Variants in MCF2L observed in about 807,000 individuals in gnomAD.
MCF2L encodes the protein guanine nucleotide exchange factor DBS.
In MCF2L, 97 loss-of-function variants were observed where a neutral mutation model predicts 153.4. The ratio of observed to expected loss-of-function variants is 0.63; its 90% CI spans 0.54 to 0.75. MCF2L has a LOEUF of 0.75. MCF2L is among the 30% of genes least tolerant of loss of function. MCF2L has a pLI of 0.00. For missense variants in MCF2L, 1,347 were observed against 1,495.2 expected, an observed-to-expected ratio of 0.90 and a Z score of 1.64; for synonymous variants, 659 against 632.2, an observed-to-expected ratio of 1.04 and a Z score of -0.64.
chr13:113,057,026 G>A (rs2030055476), intron 4 of MCF2L, among the ~76,000 whole-genome samples: 1 of 136,850 alleles, frequency 7.3e-6, no homozygotes, highest in Admixed American at 7.3e-5. Flanking sequence ...GTGCTGAGTG[G>A]GCACTGAGTG....
chr13:113,095,614 CAT>C, intron 27 of MCF2L: 2 of 994,438 alleles, frequency 2.0e-6, no homozygotes, highest in South Asian at 4.6e-5. Flanking sequence ...TCCAGGCCAT[CAT>C]GTGAGAGCAG....
intron 2 of MCF2L, among the ~76,000 whole-genome samples, chr13:112,959,241 G>A (rs532174181): frequency 6.6e-6 from 1 of 151,774 alleles, no homozygotes; most frequent in Non-Finnish European, 1.5e-5. Flanking sequence ...CCCTCATATC[G>A]TTCTCCCTCA....
intron 1 of MCF2L, among the ~76,000 whole-genome samples, chr13:113,014,481 G>A (rs913842130): frequency 6.6e-6 from 1 of 152,148 alleles, no homozygotes; most frequent in Non-Finnish European, 1.5e-5. Context: ...CTCTGCCCAG[G>A]TCTCTCTCTT....
intron 2 of MCF2L, among the ~76,000 whole-genome samples, chr13:112,915,474 A>C (rs1312414115): frequency 6.7e-6 from 1 of 149,938 alleles, no homozygotes. Context: ...AAATAGATTG[A>C]ATTTTCATAC....
At chr13:113,090,126 C>T in intron 26 of MCF2L, 3 of 1,546,468 alleles carry the variant, frequency 1.9e-6, no homozygotes, top group African/African-American at 1.4e-5. Context: ...AGCGCTTTAC[C>T]CTGCAGGGTT....
In MCF2L at chr13:112,951,087, T is replaced by A. The variant is rs1476724182; in HGVS notation, c.169+48716T>A. Reference sequence around the variant, plus strand: ...AGACATTCCACCAAAGATGCCACAGTGAGGGCAGAAGAGCACACGGAAAGG... The same window carrying A: ...AGACATTCCACCAAAGATGCCACAGAGAGGGCAGAAGAGCACACGGAAAGG... On this transcript the variant is annotated intron_variant, in intron 2 of 29. Coordinates refer to the MCF2L transcript ENST00000375608. The surrounding 1 kb of genome is among the most constrained non-coding windows in gnomAD (Gnocchi z 4.8). Among the ~76,000 whole-genome samples the A allele has an allele frequency of 6.6e-6, 1 of 152,054 alleles. No homozygotes were observed. Among genetic ancestry groups the A allele is most frequent in the Admixed American group, 6.5e-5 (1 of 15,270 alleles).
intron 2 of MCF2L, among the ~76,000 whole-genome samples, chr13:112,935,737 C>A (rs2081508321): frequency 1.3e-5 from 2 of 152,128 alleles, no homozygotes; most frequent in Admixed American, 6.5e-5. Flanking sequence ...CGGACATAAC[C>A]CCATCATACA....
intron 1 of MCF2L, among the ~76,000 whole-genome samples, chr13:112,990,519 A>G (rs1041072411): frequency 1.3e-5 from 2 of 152,236 alleles, no homozygotes; most frequent in Admixed American, 1.3e-4. Flanking sequence ...ACCCTCGCAC[A>G]GTTTCCTTCA....
At chr13:113,044,751 T>A in intron 3 of MCF2L, 1 of 1,612,920 alleles carries the variant, frequency 6.2e-7, no homozygotes, top group South Asian at 1.1e-5. Context: ...GAGTGCTGCC[T>A]CCTCTCCCGT....
intron 2 of MCF2L, among the ~76,000 whole-genome samples, chr13:113,020,707 G>A (rs907398115): frequency 3.3e-5 from 5 of 152,194 alleles, no homozygotes; most frequent in Admixed American, 6.5e-5. Flanking sequence ...CACTGTCCCC[G>A]TGGGGGTCAG....
chr13:113,059,065 G>A (rs555056226), intron 4 of MCF2L, among the ~76,000 whole-genome samples: 1 of 151,720 alleles, frequency 6.6e-6, no homozygotes, highest in African/African-American at 2.4e-5. Context: ...TTGCTACTAG[G>A]ATTCCACAAC....
intron 17 of MCF2L, among the ~76,000 whole-genome samples, chr13:113,083,259 C>T (rs1196194572): frequency 2.6e-5 from 4 of 152,150 alleles, no homozygotes; most frequent in Non-Finnish European, 2.9e-5. Context: ...TGGGGACCAG[C>T]GTGCCCCACT....
At chr13:112,998,724 G>C (rs1183609914) in intron 1 of MCF2L, among the ~76,000 whole-genome samples, 1 of 152,220 alleles carries the variant, frequency 6.6e-6, no homozygotes, top group Non-Finnish European at 1.5e-5. Flanking sequence ...GGCCTCTGCT[G>C]TGGGTGTGGT....
intron 3 of MCF2L, among the ~76,000 whole-genome samples, chr13:113,029,361 G>A (rs1411102700): frequency 1.3e-5 from 2 of 152,220 alleles, no homozygotes; most frequent in East Asian, 3.8e-4. Context: ...AACAATTCTT[G>A]ACACATTTCT....
rs141809571 is a variant in MCF2L at position 112,948,948 on chromosome 13, C to A, written c.169+46577C>A. 2.0e-3 allele frequency among the ~76,000 whole-genome samples: 310 copies of A among 152,278 alleles called. 7 individuals are homozygous for A. The East Asian group carries it at 0.051, about 25-fold the overall frequency. Reference sequence around the variant, plus strand: ...AGGCGTGGTGGCATGCACCTGTAGTCCCAGCTACTCATGAGGCACAGGAGA... The same window carrying A: ...AGGCGTGGTGGCATGCACCTGTAGTACCAGCTACTCATGAGGCACAGGAGA... On this transcript the variant is annotated intron_variant, in intron 2 of 29. Coordinates refer to the MCF2L transcript ENST00000375608.
At chr13:112,980,488 G>A (rs2082369893) in intron 1 of MCF2L, among the ~76,000 whole-genome samples, 1 of 152,226 alleles carries the variant, frequency 6.6e-6, no homozygotes. Context: ...AGAGATGGAT[G>A]GGCGGCGGCT....
At chr13:112,922,310 A>G (rs957441332) in intron 2 of MCF2L, among the ~76,000 whole-genome samples, 1 of 152,216 alleles carries the variant, frequency 6.6e-6, no homozygotes, top group Non-Finnish European at 1.5e-5. Context: ...ATTATTCCAC[A>G]CAGAACGTCT....
intron 1 of MCF2L, chr13:112,979,394 G>T: frequency 7.2e-7 from 1 of 1,381,022 alleles, no homozygotes; most frequent in Non-Finnish European, 9.3e-7. Context: ...CAGGCGTGCA[G>T]GGCAGTGGTG....
intron 1 of MCF2L, among the ~76,000 whole-genome samples, chr13:112,977,593 C>T (rs182905617): frequency 1.8e-4 from 27 of 152,300 alleles, no homozygotes; most frequent in African/African-American, 5.3e-4. Context: ...GAATGATGAA[C>T]GTCTGTGCAC....
Sources: gnomAD v4.1 joint callset for allele counts (sites outside exome capture counted in the v4.1 genomes callset) on GRCh38, gnomAD v4.1.1 for gene constraint, Gnocchi (gnomAD v3.1) non-coding constraint, MANE v1.5 for transcripts, NCBI Gene and HGNC (gene_info 2026-07-23, HGNC 2026-07-21) for gene names.